The following TRPM3 variants were observed in gnomAD, a reference collection of about 807,000 sequenced individuals.
TRPM3 encodes the protein transient receptor potential cation channel subfamily M member 3.
Under a neutral mutation model 181.2 loss-of-function variants are expected in TRPM3, and 77 were observed. That is an observed-to-expected ratio of 0.42 (90% confidence interval 0.35 to 0.51). The LOEUF is 0.51. Ranked by LOEUF, TRPM3 falls within the 20% of genes least tolerant of loss-of-function variation. TRPM3 has a pLI of 0.01. For synonymous variants in TRPM3, 745 were observed against 796.4 expected (o/e 0.94, Z 1.09); for missense variants, 1,759 against 2,196.7 (o/e 0.80, Z 3.98).
chr9:71,045,091 T>TTTATTA (rs937533831), intron 1 of TRPM3, among the ~76,000 whole-genome samples: 2 of 151,274 alleles, frequency 1.3e-5, no homozygotes, highest in South Asian at 4.2e-4. Flanking sequence ...ATTTTTACTA[T>TTTATTA]TTATTATTAT....
intron 1 of TRPM3, among the ~76,000 whole-genome samples, chr9:70,940,661 C>A (rs1002267277): frequency 4.6e-5 from 7 of 152,152 alleles, no homozygotes; most frequent in Non-Finnish European, 1.0e-4. Context: ...AAGGTACAGA[C>A]CCTGTTTCCA....
At chr9:71,213,565 G>C (rs1475981481) in intron 1 of TRPM3, among the ~76,000 whole-genome samples, 1 of 151,874 alleles carries the variant, frequency 6.6e-6, no homozygotes, top group Non-Finnish European at 1.5e-5. Flanking sequence ...TGACAGAAAT[G>C]GAAAACATCA....
chr9:70,818,259 A>G (rs1360028412), intron 6 of TRPM3, among the ~76,000 whole-genome samples: 1 of 152,250 alleles, frequency 6.6e-6, no homozygotes, highest in Non-Finnish European at 1.5e-5. Flanking sequence ...GAATTTATTC[A>G]TTCACTCAAG....
chr9:71,432,666 C>T (rs1321369053), intron 1 of TRPM3, among the ~76,000 whole-genome samples: 2 of 151,898 alleles, frequency 1.3e-5, no homozygotes, highest in Non-Finnish European at 2.9e-5. Flanking sequence ...AAATGGCTGT[C>T]GATAATTTAG....
chr9:70,826,387 A>T (rs1030844246), intron 6 of TRPM3: 4 of 152,200 alleles, frequency 2.6e-5, no homozygotes, highest in Non-Finnish European at 4.4e-5. Context: ...TCACCTTGGG[A>T]TAATAACACT....
chr9:71,032,699 G>T (rs1038979871), intron 1 of TRPM3, among the ~76,000 whole-genome samples: 2 of 152,098 alleles, frequency 1.3e-5, no homozygotes, highest in Non-Finnish European at 2.9e-5. Flanking sequence ...ATTAGAGGTA[G>T]ACAATTTCTA....
chr9:70,823,294 C>T (rs1404773957), intron 6 of TRPM3, among the ~76,000 whole-genome samples: 1 of 152,214 alleles, frequency 6.6e-6, no homozygotes, highest in Non-Finnish European at 1.5e-5. Flanking sequence ...CTACCTCAGT[C>T]TAATCTCTAC....
chr9:71,120,276 G>A (rs1385622107), intron 1 of TRPM3, among the ~76,000 whole-genome samples: 1 of 152,168 alleles, frequency 6.6e-6, no homozygotes, highest in East Asian at 1.9e-4. Context: ...AATGGATATA[G>A]AACATCAGAG....
intron 1 of TRPM3, among the ~76,000 whole-genome samples, chr9:71,178,865 C>T (rs1164188734): frequency 6.6e-6 from 1 of 152,126 alleles, no homozygotes. Flanking sequence ...GGATGTTTCT[C>T]TTACTTCAGC....
intron 3 of TRPM3, among the ~76,000 whole-genome samples, chr9:70,855,105 C>CCT (rs1424978741): frequency 6.6e-6 from 1 of 152,128 alleles, no homozygotes; most frequent in East Asian, 1.9e-4. Flanking sequence ...TTTACTAAAG[C>CCT]CTCTCTGACT....
chr9:71,252,852 T>C (rs932219689), intron 1 of TRPM3, among the ~76,000 whole-genome samples: 8 of 144,924 alleles, frequency 5.5e-5, no homozygotes, highest in African/African-American at 7.7e-5. Context: ...TGTCTCTTTT[T>C]TTTTTTTTTT....
intron 1 of TRPM3, among the ~76,000 whole-genome samples, chr9:71,302,081 C>A: frequency 6.6e-6 from 1 of 151,772 alleles, no homozygotes; most frequent in Non-Finnish European, 1.5e-5. Context: ...CTACATAAAA[C>A]AAAAAATCAT....
intron 1 of TRPM3, among the ~76,000 whole-genome samples, chr9:70,879,926 A>C (rs986839959): frequency 1.3e-5 from 2 of 152,140 alleles, no homozygotes; most frequent in Non-Finnish European, 2.9e-5. Context: ...ACACACATGC[A>C]TGTGGTTTTT....
At chr9:71,099,861 T>C (rs184350066) in intron 1 of TRPM3, among the ~76,000 whole-genome samples, 109 of 152,284 alleles carry the variant, frequency 7.2e-4, no homozygotes, top group African/African-American at 2.6e-3. Flanking sequence ...GAGTAAATCC[T>C]TTACCCAAAG....
chr9:70,536,849 G>A lies in TRPM3; in HGVS notation c.4264C>T (p.Leu1422Phe). 1 of 1,614,150 alleles carries A rather than the reference G, an allele frequency of 6.2e-7. No homozygotes were observed. The highest frequency in any genetic ancestry group is 1.1e-5 in the South Asian group (1 of 91,082). ...IDIYVSAMDE[L>F]HCDIDPLDNS... ...TCCAGAGGGTCTATATCACAGTGGA[G>A]CTCATCCATAGCAGAGACATAGATG... Residue 1422 changes from leucine to phenylalanine, a missense_variant, in exon 26 of 26, where the codon CTC (leucine) becomes TTC (phenylalanine). This residue lies in a region of TRPM3 where 612 missense variants were observed against 590.0 expected (regional missense o/e 1.04). Transcript: ENST00000677713.
chr9:71,231,789 A>G (rs952175805), intron 1 of TRPM3, among the ~76,000 whole-genome samples: 1 of 152,144 alleles, frequency 6.6e-6, no homozygotes, highest in Non-Finnish European at 1.5e-5. Context: ...AGTGGGGAGG[A>G]TGGTAAGCGG....
intron 22 of TRPM3, among the ~76,000 whole-genome samples, chr9:70,577,374 A>G (rs1037517539): frequency 2.0e-5 from 3 of 152,212 alleles, no homozygotes; most frequent in East Asian, 1.9e-4. Context: ...CTGGATTCCA[A>G]TTCAGCCTCT....
At position 70,961,020 on chromosome 9, in the gene TRPM3, T is replaced by A. The variant is rs181517660; in HGVS notation, c.178-96509A>T. 4.6e-5 allele frequency among the ~76,000 whole-genome samples: 7 copies of A among 152,272 alleles called. No homozygotes were observed. The East Asian group carries it at 1.4e-3, about 29-fold the overall frequency. ...TCTTAATCCCTGAAACCTGGGAATA[T>A]GTTATCTTACATGGCAAGAGGGATT... On this transcript the variant is annotated intron_variant, in intron 1 of 25. Coordinates refer to ENST00000677713, the MANE Select transcript of TRPM3 (RefSeq NM_001366145.2).
In TRPM3 at chr9:71,350,282, A is replaced by T. The variant is rs549553192; in HGVS notation, c.183+96371T>A. 1.2e-3 allele frequency among the ~76,000 whole-genome samples: 177 copies of T among 152,312 alleles called. 2 individuals are homozygous for T. The South Asian group carries it at 0.02, about 17-fold the overall frequency. ...TGTCAAGTACTAGTCAATCATGACA[A>T]CAGAACTGTAGGTCATTACATAGAA... On this transcript the variant is annotated intron_variant, in intron 1 of 24. Transcript: ENST00000357533.
Sources: gnomAD v4.1 joint callset for allele counts (sites outside exome capture counted in the v4.1 genomes callset) on GRCh38, gnomAD v4.1.1 for gene constraint, gnomAD v4.1.1 regional missense constraint, MANE v1.5 for transcripts, NCBI Gene and HGNC (gene_info 2026-07-23, HGNC 2026-07-21) for gene names.